Variants in RAB21 observed in about 807,000 individuals in gnomAD.
The protein encoded by RAB21 is RAB21, member RAS oncogene family, also known as ras-related protein Rab-21.
In RAB21, 13 loss-of-function variants were observed where a neutral mutation model predicts 33.1. The observed-to-expected ratio is 0.39, with a 90% CI of 0.26 to 0.62. The LOEUF is 0.62. RAB21 is among the 20% of genes least tolerant of loss of function. RAB21 has a pLI of 0.48. For missense variants in RAB21, 234 were observed against 279.1 expected (o/e 0.84, Z 1.15); for synonymous variants, 91 against 103.7 (o/e 0.88, Z 0.74).
At chr12:71,759,080 C>G (rs1370347809) in intron 1 of RAB21, among the ~76,000 whole-genome samples, 2 of 152,180 alleles carry the variant, frequency 1.3e-5, no homozygotes, top group African/African-American at 2.4e-5. Flanking sequence ...ATTCTCTTTT[C>G]TTTGGTATTG....
chr12:71,755,095 C>G lies in RAB21; in HGVS notation c.-35C>G. The G allele has an allele frequency of 9.1e-7, 1 of 1,093,240 alleles. No individual in the cohort carries two copies. Among genetic ancestry groups the G allele is most frequent in the Non-Finnish European group, 1.1e-6 (1 of 902,436 alleles). 67.7% of individuals were successfully genotyped at this position (1,093,240 alleles called of 1,614,324 possible). On this transcript the variant is annotated 5_prime_UTR_variant, in exon 1 of 7. Coordinates refer to ENST00000261263, the MANE Select transcript of RAB21 (RefSeq NM_014999.4). ...TGCCGCGGCTGTCGGGAGGGCGGCGCGACACTCGGGCTCGGGCGGCCGGGA... is the reference window on the plus strand; with the variant it reads ...TGCCGCGGCTGTCGGGAGGGCGGCGGGACACTCGGGCTCGGGCGGCCGGGA...
At position 71,788,980 on chromosome 12, in the gene RAB21, C is replaced by G. The variant is rs1161801760; in HGVS notation, c.*3307C>G. 1 of 151,018 alleles carries G rather than the reference C, an allele frequency of 6.6e-6. No individual in the cohort carries two copies. The highest frequency in any genetic ancestry group is 2.4e-5 in the African/African-American group (1 of 41,064). The allele number at this position is 151,018 out of a possible 1,614,324, so 9.4% of individuals were successfully genotyped here. A position where few individuals can be genotyped will look rare whatever the true frequency, so the allele number is the denominator to read the frequency against. On this transcript the variant is annotated 3_prime_UTR_variant, in exon 7 of 7. Coordinates refer to ENST00000261263, the MANE Select transcript of RAB21 (RefSeq NM_014999.4). ...GCCTAAGAATACCCTAAAGCTATGG[C>G]TGTTACTGCATTGAAATCTTTTTTT...
rs1225046197 is a variant in RAB21 at position 71,789,089 on chromosome 12, G to A, written c.*3416G>A. On this transcript the variant is annotated 3_prime_UTR_variant, in exon 7 of 7. Transcript: ENST00000261263. ...GAAGAAGAGTAGTACTTCACTTTTA[G>A]GTTTTTAGTAGTGAAAGATAAAATT... The A allele has an allele frequency of 2.0e-5, 3 of 151,626 alleles. No individual in the cohort carries two copies. Among genetic ancestry groups the A allele is most frequent in the African/African-American group, 7.3e-5 (3 of 41,278 alleles). The allele number at this position is 151,626 out of a possible 1,614,324, so 9.4% of individuals were successfully genotyped here.
intron 3 of RAB21, among the ~76,000 whole-genome samples, chr12:71,771,131 A>T (rs553347743): frequency 6.6e-6 from 1 of 152,230 alleles, no homozygotes; most frequent in Non-Finnish European, 1.5e-5. Flanking sequence ...AGGAGGAACA[A>T]CATCACATTT....
rs976248941 is a variant in RAB21 at position 71,791,686 on chromosome 12, C to G, written c.*6013C>G. On this transcript the variant is annotated 3_prime_UTR_variant, in exon 7 of 7. Coordinates refer to ENST00000261263, the MANE Select transcript of RAB21 (RefSeq NM_014999.4). ...TTTTAGATCTCCCTTCCCTCATCAT[C>G]CCACATCCCTTTTTAGAGGTAACCA... is the stretch of plus-strand genomic sequence containing the variant. 1 of 152,168 alleles carries G rather than the reference C, an allele frequency of 6.6e-6. No individual in the cohort carries two copies. The allele number at this position is 152,168 out of a possible 1,614,324, so 9.4% of individuals were successfully genotyped here.
chr12:71,775,831 G>A lies in RAB21; in HGVS notation c.391+1809G>A, dbSNP rs554598442. The stretch of plus-strand genomic sequence containing the variant: ...ATTACAGGCGTGAGCCACTGCACCC[G>A]GCCAAGAATTTTTTTTAACTTGAGT... On this transcript the variant is annotated intron_variant, in intron 4 of 6. Transcript: ENST00000261263. Among the ~76,000 whole-genome samples, 16 of 147,432 alleles carry A rather than the reference G, an allele frequency of 1.1e-4. No individual in the cohort carries two copies. In the South Asian group the frequency reaches 2.0e-3, roughly 18 times the overall value.
chr12:71,779,440 C>T (rs1296477307), intron 4 of RAB21, among the ~76,000 whole-genome samples: 1 of 152,088 alleles, frequency 6.6e-6, no homozygotes, highest in Admixed American at 6.5e-5. Flanking sequence ...AGTGACAGAG[C>T]AAGACCCTGT....
At position 71,796,100 on chromosome 12, in the gene RAB21, A is replaced by G. The variant is rs532317921; in HGVS notation, c.*10427A>G. On this transcript the variant is annotated 3_prime_UTR_variant, in exon 7 of 7. Transcript: ENST00000261263. ...GGGGCACTCTGAGAATTAAACAGGAAATGGACAGGAAAAGAGGCAAAGCAT... is the reference window on the plus strand; with the variant it reads ...GGGGCACTCTGAGAATTAAACAGGAGATGGACAGGAAAAGAGGCAAAGCAT... The G allele has an allele frequency of 7.3e-6, 1 of 137,614 alleles. No homozygotes were observed. The highest frequency in any genetic ancestry group is 7.4e-5 in the Admixed American group (1 of 13,446). The allele number at this position is 137,614 out of a possible 1,614,324, so 8.5% of individuals were successfully genotyped here. A position where few individuals can be genotyped will look rare whatever the true frequency, so the allele number is the denominator to read the frequency against.
At chr12:71,771,905 G>C (rs1441467805) in intron 3 of RAB21, among the ~76,000 whole-genome samples, 1 of 151,898 alleles carries the variant, frequency 6.6e-6, no homozygotes, top group Non-Finnish European at 1.5e-5. Flanking sequence ...AAACTGGGGA[G>C]GCAGAGGTTG....
At position 71,782,572 on chromosome 12, in the gene RAB21, A is replaced by T; in HGVS notation, c.449A>T (p.Tyr150Phe). 6.3e-7 allele frequency: 1 copy of T among 1,580,026 alleles called. No homozygotes were observed. Among genetic ancestry groups the T allele is most frequent in the Non-Finnish European group, 8.6e-7 (1 of 1,159,334 alleles). ...RHVSIQEAES[Y>F]AESVGAKHYH... Reference sequence around the variant, plus strand: ...CACCGATGTTACTTTTTTTTAAGGTATGCAGAATCTGTGGGAGCAAAACAT... The same window carrying T: ...CACCGATGTTACTTTTTTTTAAGGTTTGCAGAATCTGTGGGAGCAAAACAT... Residue 150 changes from tyrosine to phenylalanine, a missense_variant and splice_region_variant, in exon 6 of 7, where the codon TAT becomes TTT. Transcript: ENST00000261263.
rs1259730112 is a variant in RAB21 at position 71,795,275 on chromosome 12, G to A, written c.*9602G>A. 2 of 152,198 alleles carry A rather than the reference G, an allele frequency of 1.3e-5. No homozygotes were observed. The highest frequency in any genetic ancestry group is 4.8e-5 in the African/African-American group (2 of 41,446). 9.4% of individuals were successfully genotyped at this position (152,198 alleles called of 1,614,324 possible). A position where few individuals can be genotyped will look rare whatever the true frequency, so the allele number is the denominator to read the frequency against. On this transcript the variant is annotated 3_prime_UTR_variant, in exon 7 of 7. Coordinates refer to ENST00000261263, the MANE Select transcript of RAB21 (RefSeq NM_014999.4). ...TTAAAAATATTGTCAAAGCATCATG[G>A]TATTTGTAGTGGTGCTTAAAAAAGA...
At chr12:71,783,383 A>G (rs1369512968) in intron 6 of RAB21, among the ~76,000 whole-genome samples, 2 of 151,772 alleles carry the variant, frequency 1.3e-5, no homozygotes, top group Non-Finnish European at 2.9e-5. Flanking sequence ...GAGTTTATGG[A>G]CTTTAGACTC....
intron 1 of RAB21, among the ~76,000 whole-genome samples, chr12:71,764,564 T>G (rs1882930858): frequency 6.6e-6 from 1 of 152,166 alleles, no homozygotes. Context: ...ACCTGAGCAG[T>G]GTACACCATA....
Position 71,785,739 on chromosome 12 carries a change from T to C in RAB21, c.*66T>C. On this transcript the variant is annotated 3_prime_UTR_variant, in exon 7 of 7. Transcript: ENST00000261263. The stretch of plus-strand genomic sequence containing the variant: ...GGATCATTGCCCTCAACATGAAGAC[T>C]GCCATATTCCAAGTCACATTATTTT... 1 of 1,544,878 alleles carries C rather than the reference T, an allele frequency of 6.5e-7. No individual in the cohort carries two copies. Among genetic ancestry groups the C allele is most frequent in the East Asian group, 2.3e-5 (1 of 44,392 alleles).
In RAB21 at chr12:71,774,125, TG is replaced by T. The variant is rs1267417382; in HGVS notation, c.391+105del. The T allele has an allele frequency of 8.9e-6, 6 of 677,630 alleles. No homozygotes were observed. In the African/African-American group the frequency reaches 1.1e-4, roughly 13 times the overall value. 42.0% of individuals were successfully genotyped at this position (677,630 alleles called of 1,614,324 possible). A position where few individuals can be genotyped will look rare whatever the true frequency, so the allele number is the denominator to read the frequency against. Reference sequence around the variant, plus strand: ...TTAAAGTTATATGAGAAAGGAAGAATGGCATATTAATATAAATATTTTAGAA... The same window carrying T: ...TTAAAGTTATATGAGAAAGGAAGAATGCATATTAATATAAATATTTTAGAA... On this transcript the variant is annotated intron_variant, in intron 4 of 6. Transcript: ENST00000261263.
chr12:71,771,222 AAC>A (rs1883037613), intron 3 of RAB21, among the ~76,000 whole-genome samples: 2 of 152,326 alleles, frequency 1.3e-5, no homozygotes, highest in South Asian at 4.1e-4. Context: ...TCCCTTCAAA[AAC>A]ACACCACATA....
chr12:71,757,496 T>C (rs1882802868), intron 1 of RAB21, among the ~76,000 whole-genome samples: 1 of 152,372 alleles, frequency 6.6e-6, no homozygotes, highest in Admixed American at 6.5e-5. Flanking sequence ...TTTTTAAATA[T>C]ATGAAAAGCC....
intron 1 of RAB21, 96 bp downstream of exon 1, chr12:71,755,384 G>A: frequency 7.5e-7 from 1 of 1,336,234 alleles, no homozygotes; most frequent in East Asian, 3.2e-5. Context: ...ATGTAGGCTG[G>A]CAAATCTCAG....
In RAB21 at chr12:71,754,949, C is replaced by T. The variant is rs1882757240; in HGVS notation, c.-181C>T. ...GGTGCCTGACGTGGTGGGCTGGGGC[C>T]CTTCATTCTCGGACTTTCCCTCAGC... On this transcript the variant is annotated 5_prime_UTR_variant, in exon 1 of 7. Coordinates refer to ENST00000261263, the MANE Select transcript of RAB21 (RefSeq NM_014999.4). 2.5e-6 allele frequency: 1 copy of T among 406,086 alleles called. No homozygotes were observed. Among genetic ancestry groups the T allele is most frequent in the Non-Finnish European group, 3.4e-6 (1 of 297,708 alleles). The allele number at this position is 406,086 out of a possible 1,614,324, so 25.2% of individuals were successfully genotyped here. A position where few individuals can be genotyped will look rare whatever the true frequency, so the allele number is the denominator to read the frequency against.
Sources: gnomAD v4.1 joint callset for allele counts (sites outside exome capture counted in the v4.1 genomes callset) on GRCh38, gnomAD v4.1.1 for gene constraint, MANE v1.5 for transcripts, NCBI Gene and HGNC (gene_info 2026-07-23, HGNC 2026-07-21) for gene names.